STAT5A: variants seen among roughly 807,000 people sequenced by gnomAD.
STAT5A encodes the protein epididymis secretory sperm binding protein.
Under a neutral mutation model 100.2 loss-of-function variants are expected in STAT5A, and 26 were observed. The ratio of observed to expected loss-of-function variants is 0.26; its 90% confidence interval spans 0.19 to 0.36. The LOEUF (loss-of-function observed/expected upper bound fraction) is 0.36. Ranked by LOEUF, STAT5A falls within the 10% of genes least tolerant of loss-of-function variation. The pLI, the probability that STAT5A is intolerant of heterozygous loss-of-function variation, is 1.00. For synonymous variants in STAT5A, 330 were observed against 424.3 expected, an observed-to-expected ratio of 0.78 and a Z score of 2.73; for missense variants, 634 against 1,027.5, an observed-to-expected ratio of 0.62 and a Z score of 5.24.
rs1350626364 is a variant in STAT5A, at chr17:42,289,513, G to A, written c.102G>A (p.Leu34=). 6.2e-7 allele frequency: 1 copy of A among 1,613,186 alleles called. No homozygotes were observed. ...QHFPIEVRHY[L]AQWIESQPWD... ...TCCCCATCGAGGTCCGGCACTACTT[G>A]GCCCAGTGGATTGAGAGCCAGCCAT... is the stretch of plus-strand genomic sequence containing the variant. Residue 34 remains leucine, a synonymous_variant, in exon 2 of 19, where the codon TTG becomes TTA. Transcript: ENST00000590949.
intron 3 of STAT5A, 51 bp from the exon 4 acceptor site, chr17:42,291,921 G>T: frequency 2.5e-6 from 4 of 1,596,960 alleles, no homozygotes; most frequent in Non-Finnish European, 3.4e-6. Context: ...CATGGGGCTG[G>T]CATGGCTGGA....
intron 3 of STAT5A, 35 bp downstream of exon 3, chr17:42,290,057 A>T: frequency 1.9e-6 from 3 of 1,567,520 alleles, no homozygotes; most frequent in Non-Finnish European, 2.6e-6. Flanking sequence ...ACGGGGAGGA[A>T]GCATCATCTT....
chr17:42,311,016 C>G lies in STAT5A; in HGVS notation c.*347C>G, dbSNP rs1322460697. ...CAGCAGCTATTTGAATGAGATGATT[C>G]AGAAGGGGAGGGGAGACAGGTAACG... On this transcript the variant is annotated 3_prime_UTR_variant, in exon 19 of 19. Coordinates refer to ENST00000590949, the MANE Select transcript of STAT5A (RefSeq NM_001288718.2). 2 of 291,036 alleles carry G rather than the reference C, an allele frequency of 6.9e-6. No homozygotes were observed. The highest frequency in any genetic ancestry group is 2.1e-5 in the African/African-American group (1 of 47,396). 18.0% of individuals were successfully genotyped at this position (291,036 alleles called of 1,614,324 possible).
At position 42,290,184 on chromosome 17, in the gene STAT5A, C is replaced by G. The variant is rs556906625; in HGVS notation, c.285+162C>G. 2.3e-5 allele frequency: 25 copies of G among 1,088,752 alleles called. No homozygotes were observed. The African/African-American group carries it at 3.9e-4, about 17-fold the overall frequency. The allele number at this position is 1,088,752 out of a possible 1,614,324, so 67.4% of individuals were successfully genotyped here. On this transcript the variant is annotated intron_variant, in intron 3 of 18. Transcript: ENST00000590949. ...CCCCACCCCCTCTTTCTAAATTCGA[C>G]CTGTCGGATTTCTTTAGCATATTGC...
At chr17:42,298,123 C>T (rs546484640) in intron 5 of STAT5A, among the ~76,000 whole-genome samples, 6,608 of 150,744 alleles carry the variant, frequency 0.044, 309 homozygotes, top group African/African-American at 0.12. Context: ...ACACAGGCGC[C>T]CTTGTGTTCC....
At chr17:42,289,322 G>A (rs2080845712) in intron 1 of STAT5A, 80 bp from the exon 2 acceptor site, 2 of 1,438,418 alleles carry the variant, frequency 1.4e-6, no homozygotes. Flanking sequence ...CCAGGGATAG[G>A]TAGGCATGGC....
chr17:42,305,921 G>C (rs1256087790), intron 12 of STAT5A, among the ~76,000 whole-genome samples: 2 of 152,202 alleles, frequency 1.3e-5, no homozygotes, highest in South Asian at 2.1e-4. Flanking sequence ...TGTGAGGACT[G>C]TGAGCTTGGT....
chr17:42,299,528 C>T (rs1293199873), intron 5 of STAT5A, among the ~76,000 whole-genome samples: 1 of 152,202 alleles, frequency 6.6e-6, no homozygotes, highest in Non-Finnish European at 1.5e-5. Flanking sequence ...CGTGTGCCCC[C>T]AGAGGGGACG....
At chr17:42,295,567 GTCT>G in intron 4 of STAT5A, 49 bp from the exon 5 acceptor site, 1 of 1,575,678 alleles carries the variant, frequency 6.3e-7, no homozygotes, top group Non-Finnish European at 8.6e-7. Context: ...AATGCCTGTG[GTCT>G]TCTCCCATCC....
chr17:42,290,048 C>A (rs768111168), intron 3 of STAT5A, 26 bp downstream of exon 3: 4 of 1,578,670 alleles, frequency 2.5e-6, no homozygotes, highest in Non-Finnish European at 3.4e-6. Context: ...GGGCCACCTA[C>A]GGGGAGGAAG....
Position 42,289,406 on chromosome 17 carries a change from AC to A in STAT5A, c.-5del. On this transcript the variant is annotated 5_prime_UTR_variant, in exon 2 of 19. Transcript: ENST00000590949. Reference sequence around the variant, plus strand: ...TCAGCGCTCGGCTCGCCCTAGGTGAACGGCCATGGCGGGCTGGATCCAGGCC... The same window carrying A: ...TCAGCGCTCGGCTCGCCCTAGGTGAAGGCCATGGCGGGCTGGATCCAGGCC... 6.2e-7 allele frequency: 1 copy of A among 1,607,412 alleles called. No individual in the cohort carries two copies. The highest frequency in any genetic ancestry group is 8.5e-7 in the Non-Finnish European group (1 of 1,177,094).
chr17:42,310,491 C>T lies in STAT5A; in HGVS notation c.2223-16C>T. On this transcript the variant is annotated splice_polypyrimidine_tract_variant and intron_variant, in intron 18 of 18. Transcript: ENST00000590949. ...AGACATGCCAGCTCCCTCTGACATCCCCCTGTCTTTACCAGCCCTGACCAT... is the reference window on the plus strand; with the variant it reads ...AGACATGCCAGCTCCCTCTGACATCTCCCTGTCTTTACCAGCCCTGACCAT... The T allele has an allele frequency of 6.2e-7, 1 of 1,613,946 alleles. No individual in the cohort carries two copies. The highest frequency in any genetic ancestry group is 1.6e-4 in the Middle Eastern group (1 of 6,062).
chr17:42,304,012 A>G lies in STAT5A; in HGVS notation c.1170-330A>G, dbSNP rs1056273218. 1.3e-5 allele frequency among the ~76,000 whole-genome samples: 2 copies of G among 152,214 alleles called. No individual in the cohort carries two copies. Among genetic ancestry groups the G allele is most frequent in the African/African-American group, 4.8e-5 (2 of 41,462 alleles). On this transcript the variant is annotated intron_variant, in intron 9 of 18. Coordinates refer to ENST00000590949, the MANE Select transcript of STAT5A (RefSeq NM_001288718.2). This position sits in a 1 kb window ranked among gnomAD's most constrained non-coding sequence, Gnocchi z 4.8. Reference sequence around the variant, plus strand: ...AGGGGGGTGGGTAGGTGTTGACCATAGGGATCCTCAGAGACTGTGGTTGTG... The same window carrying G: ...AGGGGGGTGGGTAGGTGTTGACCATGGGGATCCTCAGAGACTGTGGTTGTG...
chr17:42,310,498 C>A lies in STAT5A; in HGVS notation c.2223-9C>A, dbSNP rs142221454. On this transcript the variant is annotated splice_polypyrimidine_tract_variant and intron_variant, in intron 18 of 18. Coordinates refer to ENST00000590949, the MANE Select transcript of STAT5A (RefSeq NM_001288718.2). ...CCAGCTCCCTCTGACATCCCCCTGT[C>A]TTTACCAGCCCTGACCATGTACTCG... The A allele has an allele frequency of 6.2e-7, 1 of 1,614,114 alleles. No individual in the cohort carries two copies. The highest frequency in any genetic ancestry group is 1.3e-5 in the African/African-American group (1 of 75,036).
rs558943351 is a variant in STAT5A, at chr17:42,301,830, A to T, written c.1169+376A>T. On this transcript the variant is annotated intron_variant, in intron 9 of 18. Transcript: ENST00000590949. ...CATCATTAAATCTGGGACAGATGGTACACTGCCTTCCTCCTACTCAGATGC... is the reference window on the plus strand; with the variant it reads ...CATCATTAAATCTGGGACAGATGGTTCACTGCCTTCCTCCTACTCAGATGC... 8.5e-5 allele frequency among the ~76,000 whole-genome samples: 13 copies of T among 152,372 alleles called. No individual in the cohort carries two copies. In the South Asian group the frequency reaches 2.5e-3, roughly 29 times the overall value.
At chr17:42,292,407 C>T (rs1279768302) in intron 4 of STAT5A, among the ~76,000 whole-genome samples, 1 of 152,068 alleles carries the variant, frequency 6.6e-6, no homozygotes, top group African/African-American at 2.4e-5. Flanking sequence ...CGGCTCACTG[C>T]AAGCTCTGCC....
At chr17:42,298,118 G>GGT (rs1336145257) in intron 5 of STAT5A, among the ~76,000 whole-genome samples, 18 of 151,946 alleles carry the variant, frequency 1.2e-4, no homozygotes, top group African/African-American at 4.4e-4. Flanking sequence ...TTGATACACA[G>GGT]GCGCCCTTGT....
chr17:42,304,801 C>A lies in STAT5A; in HGVS notation c.1380+149C>A. The A allele has an allele frequency of 7.7e-7, 1 of 1,301,894 alleles. No individual in the cohort carries two copies. 80.6% of individuals were successfully genotyped at this position (1,301,894 alleles called of 1,614,324 possible). On this transcript the variant is annotated intron_variant, in intron 11 of 18. Transcript: ENST00000590949. The surrounding 1 kb of genome is among the most constrained non-coding windows in gnomAD (Gnocchi z 4.8). ...GATAGGTTATAATCTGGGACTAACCCAGACAATTTAGGCAATGGGCTAAGA... is the reference window on the plus strand; with the variant it reads ...GATAGGTTATAATCTGGGACTAACCAAGACAATTTAGGCAATGGGCTAAGA...
At chr17:42,295,165 C>T (rs1455805683) in intron 4 of STAT5A, among the ~76,000 whole-genome samples, 1 of 152,186 alleles carries the variant, frequency 6.6e-6, no homozygotes. Context: ...TGTGTTCACA[C>T]AGCCCTGTTC....
Sources: gnomAD v4.1 joint callset for allele counts (sites outside exome capture counted in the v4.1 genomes callset) on GRCh38, gnomAD v4.1.1 for gene constraint, Gnocchi (gnomAD v3.1) non-coding constraint, MANE v1.5 for transcripts, NCBI Gene and HGNC (gene_info 2026-07-23, HGNC 2026-07-21) for gene names.